Variants in SHISA6 observed in about 807,000 individuals in gnomAD.
SHISA6 encodes the protein shisa family member 6.
In SHISA6, 22 loss-of-function variants were observed where a neutral mutation model predicts 47.9. That is an observed-to-expected ratio of 0.46 (90% CI 0.33 to 0.66). The LOEUF (loss-of-function observed/expected upper bound fraction) is 0.66. SHISA6 is among the 30% of genes least tolerant of loss of function. The pLI is 0.02. For synonymous variants in SHISA6, 388 were observed against 337.8 expected (o/e 1.15, Z -1.63); for missense variants, 680 against 764.6 (o/e 0.89, Z 1.30).
At chr17:11,435,039 G>A (rs1023630356) in intron 3 of SHISA6, among the ~76,000 whole-genome samples, 1 of 152,080 alleles carries the variant, frequency 6.6e-6, no homozygotes, top group Non-Finnish European at 1.5e-5. Flanking sequence ...GTTAGATGAG[G>A]TCACAAGCGT....
Position 11,558,566 on chromosome 17 carries a change from C to A in SHISA6, c.*262C>A. On this transcript the variant is annotated 3_prime_UTR_variant, in exon 6 of 6. Coordinates refer to ENST00000441885, the MANE Select transcript of SHISA6 (RefSeq NM_207386.4). ...AGTGGGGAGTGAGGAGGGGGCTAGGCCCCATTCTCACCCCCGACCACCTTC... is the reference window on the plus strand; with the variant it reads ...AGTGGGGAGTGAGGAGGGGGCTAGGACCCATTCTCACCCCCGACCACCTTC... 1.9e-6 allele frequency: 1 copy of A among 529,196 alleles called. No individual in the cohort carries two copies. The allele number at this position is 529,196 out of a possible 1,614,324, so 32.8% of individuals were successfully genotyped here.
At chr17:11,433,239 C>G (rs923062994) in intron 3 of SHISA6, among the ~76,000 whole-genome samples, 1 of 152,098 alleles carries the variant, frequency 6.6e-6, no homozygotes, top group Non-Finnish European at 1.5e-5. Flanking sequence ...CCTAGCCCCC[C>G]ACCCACCGAC....
intron 2 of SHISA6, among the ~76,000 whole-genome samples, chr17:11,266,838 G>A (rs957199498): frequency 2.0e-5 from 3 of 152,226 alleles, no homozygotes; most frequent in African/African-American, 7.2e-5. Flanking sequence ...GTTGGCTCCT[G>A]TCTGAGGCAC....
At chr17:11,543,826 T>C (rs1431711895) in intron 3 of SHISA6, among the ~76,000 whole-genome samples, 6 of 151,574 alleles carry the variant, frequency 4.0e-5, no homozygotes, top group Non-Finnish European at 7.4e-5. Flanking sequence ...CCAACTGATT[T>C]TTTGAAAAAG....
intron 2 of SHISA6, among the ~76,000 whole-genome samples, chr17:11,332,738 G>A (rs1911168771): frequency 6.6e-6 from 1 of 152,148 alleles, no homozygotes; most frequent in African/African-American, 2.4e-5. Context: ...TGCCGGGGTT[G>A]GGGAGCATCT....
chr17:11,308,082 C>T (rs1402434715), intron 2 of SHISA6, among the ~76,000 whole-genome samples: 1 of 152,076 alleles, frequency 6.6e-6, no homozygotes, highest in Non-Finnish European at 1.5e-5. Context: ...GAGGTTGATG[C>T]CCAGGTCACC....
At chr17:11,496,209 T>A (rs1597551029) in intron 3 of SHISA6, among the ~76,000 whole-genome samples, 1 of 152,200 alleles carries the variant, frequency 6.6e-6, no homozygotes, top group East Asian at 1.9e-4. Context: ...GATTTCCAGG[T>A]CCACAGGAGA....
At chr17:11,346,942 T>A (rs1911718591) in intron 2 of SHISA6, among the ~76,000 whole-genome samples, 1 of 152,228 alleles carries the variant, frequency 6.6e-6, no homozygotes, top group African/African-American at 2.4e-5. Flanking sequence ...TGTAATGAAT[T>A]GTTCTTTGAA....
intron 2 of SHISA6, among the ~76,000 whole-genome samples, chr17:11,296,669 T>G (rs979294167): frequency 6.6e-6 from 1 of 151,976 alleles, no homozygotes; most frequent in Non-Finnish European, 1.5e-5. Context: ...TAGGGAGTAT[T>G]GGAAGTGATG....
intron 2 of SHISA6, among the ~76,000 whole-genome samples, chr17:11,361,836 G>A (rs1371417780): frequency 6.6e-6 from 1 of 152,180 alleles, no homozygotes; most frequent in Non-Finnish European, 1.5e-5. Context: ...ACAGTAAGTA[G>A]TATTACATGT....
At chr17:11,382,559 T>G (rs1913047288) in intron 3 of SHISA6, among the ~76,000 whole-genome samples, 1 of 152,244 alleles carries the variant, frequency 6.6e-6, no homozygotes, top group Non-Finnish European at 1.5e-5. Flanking sequence ...AAACATCTAA[T>G]GTGGGGTCAC....
intron 2 of SHISA6, among the ~76,000 whole-genome samples, chr17:11,297,885 G>T (rs897594854): frequency 2.0e-5 from 3 of 152,192 alleles, no homozygotes; most frequent in Non-Finnish European, 4.4e-5. Context: ...AGAGAAAATG[G>T]ATGGCGGAGC....
chr17:11,549,506 A>G (rs1184623735), intron 3 of SHISA6, among the ~76,000 whole-genome samples: 2 of 152,234 alleles, frequency 1.3e-5, no homozygotes, highest in Non-Finnish European at 2.9e-5. Context: ...CCAATAATAT[A>G]TATTCATTCT....
At chr17:11,261,355 G>A (rs957254770) in intron 1 of SHISA6, among the ~76,000 whole-genome samples, 1 of 152,222 alleles carries the variant, frequency 6.6e-6, no homozygotes. Context: ...CCTTGTTTGA[G>A]AAACACCTTT....
intron 3 of SHISA6, among the ~76,000 whole-genome samples, chr17:11,482,608 T>A (rs758954241): frequency 2.0e-5 from 3 of 152,194 alleles, no homozygotes; most frequent in Non-Finnish European, 4.4e-5. Context: ...ACATGGAAAC[T>A]ACTTAAACTA....
At chr17:11,351,647 C>G (rs749087865) in intron 2 of SHISA6, among the ~76,000 whole-genome samples, 7 of 152,218 alleles carry the variant, frequency 4.6e-5, no homozygotes, top group African/African-American at 7.2e-5. Flanking sequence ...TTGTATTAGT[C>G]TGTGAGATCC....
intron 3 of SHISA6, among the ~76,000 whole-genome samples, chr17:11,406,166 T>C (rs994981060): frequency 4.6e-5 from 7 of 152,198 alleles, no homozygotes; most frequent in African/African-American, 1.7e-4. Flanking sequence ...GCATGGTACA[T>C]TTACACAACC....
At chr17:11,526,581 G>A (rs945351849) in intron 3 of SHISA6, among the ~76,000 whole-genome samples, 4 of 152,126 alleles carry the variant, frequency 2.6e-5, no homozygotes, top group African/African-American at 7.2e-5. Context: ...CAGGAGGTAT[G>A]ACTTGTCTCT....
chr17:11,243,604 C>T (rs906653980), intron 1 of SHISA6, among the ~76,000 whole-genome samples: 9 of 152,156 alleles, frequency 5.9e-5, no homozygotes, highest in Non-Finnish European at 1.2e-4. Context: ...AGGCAAGAGA[C>T]AGTTTCTTTT....
Sources: gnomAD v4.1 joint callset for allele counts (sites outside exome capture counted in the v4.1 genomes callset) on GRCh38, gnomAD v4.1.1 for gene constraint, MANE v1.5 for transcripts, NCBI Gene and HGNC (gene_info 2026-07-23, HGNC 2026-07-21) for gene names.